The following SOBP variants were observed in gnomAD, a reference collection of about 807,000 sequenced individuals.
SOBP encodes the protein sine oculis binding protein homolog, also known as sine oculis-binding protein homolog.
A neutral mutation model predicts 53.6 loss-of-function variants in SOBP; 4 were observed. The ratio of observed to expected loss-of-function variants is 0.07; its 90% CI spans 0.04 to 0.17. SOBP has a LOEUF of 0.17. SOBP is among the 10% of genes least tolerant of loss of function. SOBP has a pLI of 1.00. For synonymous variants in SOBP, 584 were observed against 522.6 expected (o/e 1.12, Z -1.60); for missense variants, 1,088 against 1,204.7 (o/e 0.90, Z 1.43).
Position 107,578,082 on chromosome 6 carries a change from AAAAAAAAAAAAAAG to A in SOBP, c.574-8995_574-8982del, listed in dbSNP as rs529472952. Among the ~76,000 whole-genome samples the A allele has an allele frequency of 8.4e-4, 127 of 151,244 alleles. 1 individual carries two copies. The highest frequency in any genetic ancestry group is 1.6e-3 in the Non-Finnish European group (109 of 67,694). On this transcript the variant is annotated intron_variant, in intron 4 of 6. Transcript: ENST00000317357. ...GAGCAAGACTCTGTCTCAAAAAAAA[AAAAAAAAAAAAAAG>A]AAGAAGTTCGTTTAAGTGTTGAAGA...
chr6:107,530,342 A>G (rs1313085172), intron 3 of SOBP, among the ~76,000 whole-genome samples: 1 of 152,128 alleles, frequency 6.6e-6, no homozygotes, highest in African/African-American at 2.4e-5. Flanking sequence ...TCCGTGTTTC[A>G]GGTAGAAAGA....
chr6:107,542,788 G>A (rs894937022), intron 4 of SOBP, among the ~76,000 whole-genome samples: 6 of 151,818 alleles, frequency 4.0e-5, no homozygotes, highest in African/African-American at 1.5e-4. Context: ...GGCAAGGTGT[G>A]GGAGGAAAGG....
At chr6:107,650,446 TA>T (rs1244863651) in intron 6 of SOBP, among the ~76,000 whole-genome samples, 2 of 152,246 alleles carry the variant, frequency 1.3e-5, no homozygotes, top group Non-Finnish European at 2.9e-5. Flanking sequence ...CTGTCAAGTC[TA>T]TCAATGCCAT....
At chr6:107,586,815 A>T (rs1052554207) in intron 4 of SOBP, among the ~76,000 whole-genome samples, 2 of 152,202 alleles carry the variant, frequency 1.3e-5, no homozygotes, top group African/African-American at 4.8e-5. Flanking sequence ...GGTAATTGCC[A>T]ACAAAATTAT....
At chr6:107,557,444 T>C (rs1010458376) in intron 4 of SOBP, among the ~76,000 whole-genome samples, 2 of 152,196 alleles carry the variant, frequency 1.3e-5, no homozygotes, top group African/African-American at 4.8e-5. Flanking sequence ...CTATTAAAAA[T>C]TATGGAAGAT....
chr6:107,641,378 T>C (rs1771311772), intron 6 of SOBP, among the ~76,000 whole-genome samples: 1 of 152,152 alleles, frequency 6.6e-6, no homozygotes, highest in African/African-American at 2.4e-5. Flanking sequence ...AGAAAAGAAA[T>C]AAGCTAGATA....
Position 107,634,967 on chromosome 6 carries a change from C to T in SOBP, c.2123C>T (p.Pro708Leu), listed in dbSNP as rs1770949689. 2.0e-6 allele frequency: 2 copies of T among 1,016,954 alleles called. No individual in the cohort carries two copies. The highest frequency in any genetic ancestry group is 2.3e-6 in the Non-Finnish European group (2 of 853,066). The allele number at this position is 1,016,954 out of a possible 1,614,324, so 63.0% of individuals were successfully genotyped here. A position where few individuals can be genotyped will look rare whatever the true frequency, so the allele number is the denominator to read the frequency against. The change falls in exon 6 of 7, where the codon CCG becomes CTG. Residue 708 changes from proline (P) to leucine (L), a missense_variant. Physicochemically the swap from Pro to Leu is moderately conservative, Grantham distance 98. Around this residue, in one of 6 missense-constraint regions of SOBP, gnomAD observed 665 missense variants for 629.7 expected, o/e 1.06. Coordinates refer to ENST00000317357, the MANE Select transcript of SOBP (RefSeq NM_018013.4). This position sits in a 1 kb window ranked among gnomAD's most constrained non-coding sequence, Gnocchi z 4.5. ...CSPPAAGDPGPGAPAGPEAAA... is the reference protein window; with the variant it reads ...CSPPAAGDPGLGAPAGPEAAA... ...CCGCCCGCCGCCGGCGACCCAGGCC[C>T]GGGCGCCCCGGCGGGCCCCGAGGCG...
In SOBP at chr6:107,634,786, G is replaced by T; in HGVS notation, c.1942G>T (p.Gly648Cys). 1 of 1,395,728 alleles carries T rather than the reference G, an allele frequency of 7.2e-7. No homozygotes were observed. The highest frequency in any genetic ancestry group is 9.3e-7 in the Non-Finnish European group (1 of 1,072,796). The allele number at this position is 1,395,728 out of a possible 1,614,324, so 86.5% of individuals were successfully genotyped here. Residue 648 changes from glycine to cysteine, a missense_variant, in exon 6 of 7, where the codon GGC (glycine) becomes TGC (cysteine). Around this residue, in one of 6 missense-constraint regions of SOBP, gnomAD observed 665 missense variants for 629.7 expected, o/e 1.06. Transcript: ENST00000317357. The surrounding 1 kb of genome is among the most constrained non-coding windows in gnomAD (Gnocchi z 4.5). The part of the protein sequence containing the change: ...GQLGFPGVLQ[G>C]PQDGVIDLTV... ...GCTCGGCTTCCCAGGCGTGCTGCAG[G>T]GCCCGCAGGACGGCGTCATCGACCT...
chr6:107,584,388 A>G (rs754034971), intron 4 of SOBP, among the ~76,000 whole-genome samples: 4 of 152,314 alleles, frequency 2.6e-5, no homozygotes, highest in African/African-American at 7.2e-5. Flanking sequence ...AAATTTCACA[A>G]TGCAAAGGGG....
At chr6:107,555,943 T>G (rs1784597024) in intron 4 of SOBP, among the ~76,000 whole-genome samples, 1 of 152,238 alleles carries the variant, frequency 6.6e-6, no homozygotes, top group Non-Finnish European at 1.5e-5. Context: ...CAGGATCAAA[T>G]TTACAAAACA....
At chr6:107,572,548 C>T (rs1785104115) in intron 4 of SOBP, among the ~76,000 whole-genome samples, 1 of 152,180 alleles carries the variant, frequency 6.6e-6, no homozygotes, top group African/African-American at 2.4e-5. Flanking sequence ...AAGCAATCCA[C>T]CCACCTCAGC....
chr6:107,656,335 GAAAGAAAGAGAA>G (rs1459192339), intron 6 of SOBP, among the ~76,000 whole-genome samples: 2 of 4,642 alleles, frequency 4.3e-4, no homozygotes, highest in African/African-American at 8.1e-4. Context: ...AAGAAAGAAA[GAAAGAAAGAGAA>G]AGAAAGAAAG....
rs141624381 is a variant in SOBP, at chr6:107,571,441, G to A, written c.574-15639G>A. On this transcript the variant is annotated intron_variant, in intron 4 of 6. Coordinates refer to ENST00000317357, the MANE Select transcript of SOBP (RefSeq NM_018013.4). ...GAGCGGCAAGGCTTCTTGCGGCCCT[G>A]GAGAGCATCCTTGGCTGAGGAGAAG... Among the ~76,000 whole-genome samples, 1,037 of 151,274 alleles carry A rather than the reference G, an allele frequency of 6.9e-3. 9 individuals carry two copies. Among genetic ancestry groups the A allele is most frequent in the Middle Eastern group, 0.017 (5 of 294 alleles).
chr6:107,573,217 G>A (rs190763998), intron 4 of SOBP, among the ~76,000 whole-genome samples: 309 of 152,258 alleles, frequency 2.0e-3, no homozygotes, highest in African/African-American at 7.0e-3. Context: ...AATTCCTCCA[G>A]CCTTTGGCAG....
intron 3 of SOBP, among the ~76,000 whole-genome samples, chr6:107,526,379 C>T (rs1387248692): frequency 6.6e-6 from 1 of 152,192 alleles, no homozygotes; most frequent in Non-Finnish European, 1.5e-5. Context: ...CAGCTCCTGT[C>T]TAATCTACTT....
chr6:107,635,055 C>G lies in SOBP; in HGVS notation c.2211C>G (p.Ser737Arg). Residue 737 changes from serine to arginine, a missense_variant, in exon 6 of 7, where the codon AGC (serine) becomes AGG (arginine). Physicochemically the swap from Ser to Arg is moderately radical, Grantham distance 110 (BLOSUM62 -1). Transcript: ENST00000317357. This position sits in a 1 kb window ranked among gnomAD's most constrained non-coding sequence, Gnocchi z 4.5. ...GCGCCGCCGCCGAGGGCGCTAAGAG[C>G]GCGGAGCCGCCTCCCGAGCAGCCGC... is the stretch of plus-strand genomic sequence containing the variant. ...TRGAAAEGAK[S>R]AEPPPEQPPP... is the part of the protein sequence containing the mutation. 6.6e-7 allele frequency: 1 copy of G among 1,519,442 alleles called. No individual in the cohort carries two copies. The highest frequency in any genetic ancestry group is 8.8e-7 in the Non-Finnish European group (1 of 1,132,816). 94.1% of individuals were successfully genotyped at this position (1,519,442 alleles called of 1,614,324 possible). A position where few individuals can be genotyped will look rare whatever the true frequency, so the allele number is the denominator to read the frequency against.
intron 5 of SOBP, among the ~76,000 whole-genome samples, chr6:107,630,493 ATTAG>A (rs1055956772): frequency 2.0e-5 from 3 of 152,174 alleles, no homozygotes; most frequent in African/African-American, 7.2e-5. Context: ...GAAGTGTGTC[ATTAG>A]TTAGATGTAG....
intron 3 of SOBP, among the ~76,000 whole-genome samples, chr6:107,506,955 A>G (rs1783012807): frequency 6.6e-6 from 1 of 151,786 alleles, no homozygotes; most frequent in South Asian, 2.1e-4. Context: ...AATCCCACCT[A>G]CTCGGGAGGC....
chr6:107,531,602 G>A (rs1022034004), intron 3 of SOBP, among the ~76,000 whole-genome samples: 1 of 151,626 alleles, frequency 6.6e-6, no homozygotes, highest in Non-Finnish European at 1.5e-5. Flanking sequence ...ATAAATAAAA[G>A]CTTGCTTTTA....
Sources: allele counts gnomAD v4.1 joint callset (sites outside exome capture counted in the v4.1 genomes callset), GRCh38; gene constraint gnomAD v4.1.1; regional missense constraint gnomAD v4.1.1; non-coding constraint Gnocchi (gnomAD v3.1); transcripts MANE v1.5; gene names NCBI Gene and HGNC (gene_info 2026-07-23, HGNC 2026-07-21).